The following PRKG1 variants were observed in gnomAD, a reference collection of about 807,000 sequenced individuals.
PRKG1 encodes the protein cGMP-dependent protein kinase 1.
Under a neutral mutation model 88.1 loss-of-function variants are expected in PRKG1, and 35 were observed. That is an observed-to-expected ratio of 0.40 (90% CI 0.30 to 0.53). The LOEUF (loss-of-function observed/expected upper bound fraction) is 0.53. PRKG1 is among the 20% of genes least tolerant of loss of function. The pLI is 0.59. For synonymous variants in PRKG1, 303 were observed against 292.5 expected, an observed-to-expected ratio of 1.04 and a Z score of -0.37; for missense variants, 540 against 839.8, an observed-to-expected ratio of 0.64 and a Z score of 4.41.
intron 4 of PRKG1, among the ~76,000 whole-genome samples, chr10:51,897,837 C>T (rs1841888811): frequency 6.6e-6 from 1 of 152,078 alleles, no homozygotes; most frequent in African/African-American, 2.4e-5. Flanking sequence ...TACTACTTTA[C>T]AGTTTATTCT....
At chr10:51,424,299 AT>A (rs1838507236) in intron 2 of PRKG1, among the ~76,000 whole-genome samples, 1 of 151,970 alleles carries the variant, frequency 6.6e-6, no homozygotes, top group African/African-American at 2.4e-5. Context: ...TTAATGTTAT[AT>A]TTTTTCCACA....
At chr10:51,036,468 C>T (rs1843355568) in intron 1 of PRKG1, among the ~76,000 whole-genome samples, 1 of 151,490 alleles carries the variant, frequency 6.6e-6, no homozygotes, top group Non-Finnish European at 1.5e-5. Flanking sequence ...CTGGGGGGTG[C>T]AGAGTAAAGT....
At chr10:51,257,243 A>G (rs759477513) in intron 2 of PRKG1, among the ~76,000 whole-genome samples, 1 of 150,386 alleles carries the variant, frequency 6.6e-6, no homozygotes, top group Non-Finnish European at 1.5e-5. Flanking sequence ...TGGGATGCTT[A>G]GAGATGCCCA....
intron 3 of PRKG1, among the ~76,000 whole-genome samples, chr10:51,631,018 G>A (rs573715226): frequency 5.4e-4 from 83 of 152,324 alleles, no homozygotes; most frequent in African/African-American, 2.0e-3. Context: ...ATGTGGCAAA[G>A]CAGTTTTGAA....
intron 3 of PRKG1, among the ~76,000 whole-genome samples, chr10:51,772,098 C>A (rs1838319144): frequency 6.6e-6 from 1 of 151,582 alleles, no homozygotes; most frequent in African/African-American, 2.4e-5. Flanking sequence ...AAAATATGTA[C>A]AATATTAAAA....
chr10:51,240,139 T>G (rs1839113384), intron 2 of PRKG1, among the ~76,000 whole-genome samples: 2 of 152,178 alleles, frequency 1.3e-5, no homozygotes, highest in Non-Finnish European at 2.9e-5. Context: ...GTAACTAATA[T>G]ATTCTGCAGA....
At chr10:51,133,229 C>T (rs1845613695) in intron 1 of PRKG1, among the ~76,000 whole-genome samples, 1 of 152,198 alleles carries the variant, frequency 6.6e-6, no homozygotes, top group African/African-American at 2.4e-5. Flanking sequence ...CTCCCAATCC[C>T]ATAAGCACTC....
chr10:51,273,408 G>T (rs1331721512), intron 2 of PRKG1, among the ~76,000 whole-genome samples: 1 of 151,622 alleles, frequency 6.6e-6, no homozygotes, highest in East Asian at 1.9e-4. Flanking sequence ...TGTAGTCCCA[G>T]CTACCTGAGA....
At chr10:51,252,353 C>CACTT (rs1839448907) in intron 2 of PRKG1, among the ~76,000 whole-genome samples, 1 of 151,720 alleles carries the variant, frequency 6.6e-6, no homozygotes, top group Non-Finnish European at 1.5e-5. Flanking sequence ...ACTTATCAAA[C>CACTT]ACTTGGTGCT....
chr10:51,130,918 A>G (rs947727342), intron 1 of PRKG1, among the ~76,000 whole-genome samples: 5 of 152,122 alleles, frequency 3.3e-5, no homozygotes, highest in Admixed American at 2.0e-4. Context: ...AAACAAAAAC[A>G]AAAAAAGAAA....
At chr10:52,263,128 T>G (rs1841474822) in intron 10 of PRKG1, among the ~76,000 whole-genome samples, 1 of 152,120 alleles carries the variant, frequency 6.6e-6, no homozygotes, top group African/African-American at 2.4e-5. Flanking sequence ...ATAAGACTTT[T>G]AAATTTAGGT....
chr10:52,163,841 C>T (rs1433959981), intron 9 of PRKG1, among the ~76,000 whole-genome samples: 1 of 152,060 alleles, frequency 6.6e-6, no homozygotes, highest in African/African-American at 2.4e-5. Flanking sequence ...GATATGGCAA[C>T]AATTCTTAAC....
intron 4 of PRKG1, among the ~76,000 whole-genome samples, chr10:51,858,376 T>A (rs1840767242): frequency 3.5e-5 from 1 of 28,516 alleles, no homozygotes; most frequent in Non-Finnish European, 8.9e-5. Flanking sequence ...ATAATATATA[T>A]AAAATATATA....
At chr10:51,074,984 C>A in intron 1 of PRKG1, 83 bp downstream of exon 1, 1 of 1,451,938 alleles carries the variant, frequency 6.9e-7, no homozygotes, top group South Asian at 1.4e-5. Context: ...TCGGCCCCCG[C>A]CCCTCCCGCT....
chr10:51,190,178 G>C (rs1837597112), intron 2 of PRKG1, among the ~76,000 whole-genome samples: 1 of 151,842 alleles, frequency 6.6e-6, no homozygotes, highest in Non-Finnish European at 1.5e-5. Flanking sequence ...ACTTTTATTA[G>C]TAACTGTACA....
intron 3 of PRKG1, among the ~76,000 whole-genome samples, chr10:51,663,208 T>C (rs1203702649): frequency 6.6e-6 from 1 of 152,078 alleles, no homozygotes; most frequent in African/African-American, 2.4e-5. Flanking sequence ...CAGATTTTGA[T>C]ATGAAAAGTG....
chr10:51,516,001 G>A (rs888945738), intron 3 of PRKG1, among the ~76,000 whole-genome samples: 1 of 152,194 alleles, frequency 6.6e-6, no homozygotes, highest in African/African-American at 2.4e-5. Context: ...GTCATGTGGG[G>A]CAGCTGCCTT....
chr10:52,208,369 T>A (rs1341584798), intron 9 of PRKG1, among the ~76,000 whole-genome samples: 2 of 152,228 alleles, frequency 1.3e-5, no homozygotes, highest in Non-Finnish European at 1.5e-5. Flanking sequence ...CCTGTCATAA[T>A]TTAAAAGCAC....
At chr10:51,017,845 G>A (rs574559756) in intron 1 of PRKG1, among the ~76,000 whole-genome samples, 46 of 151,908 alleles carry the variant, frequency 3.0e-4, no homozygotes, top group Non-Finnish European at 5.7e-4. Flanking sequence ...TGTTGTCCAA[G>A]CTGTAGTGTG....
Sources: allele counts gnomAD v4.1 joint callset (sites outside exome capture counted in the v4.1 genomes callset), GRCh38; gene constraint gnomAD v4.1.1; transcripts MANE v1.5; gene names NCBI Gene and HGNC (gene_info 2026-07-23, HGNC 2026-07-21).